Variants in SLC7A14 observed in about 807,000 individuals in gnomAD.
SLC7A14 encodes the protein gamma-aminobutyric acid transporter SLC7A14.
A neutral mutation model predicts 60.2 loss-of-function variants in SLC7A14; 37 were observed. The ratio of observed to expected loss-of-function variants is 0.61; its 90% CI spans 0.47 to 0.81. The LOEUF (loss-of-function observed/expected upper bound fraction) is 0.81. Ranked by LOEUF, SLC7A14 falls within the 30% of genes least tolerant of loss-of-function variation. SLC7A14 has a pLI of 0.00. For synonymous variants in SLC7A14, 399 were observed against 395.8 expected (o/e 1.01, Z -0.10); for missense variants, 886 against 982.7 (o/e 0.90, Z 1.32).
intron 2 of SLC7A14, among the ~76,000 whole-genome samples, chr3:170,503,827 G>A (rs1469950903): frequency 6.6e-6 from 1 of 152,148 alleles, no homozygotes; most frequent in Non-Finnish European, 1.5e-5. Context: ...TTAGCAAATG[G>A]CCAAGTCTTC....
chr3:170,472,224 G>T (rs1739930576), intron 7 of SLC7A14, among the ~76,000 whole-genome samples: 1 of 151,808 alleles, frequency 6.6e-6, no homozygotes, highest in African/African-American at 2.4e-5. Flanking sequence ...AAAATAATTA[G>T]CTGGGCACGG....
intron 2 of SLC7A14, among the ~76,000 whole-genome samples, chr3:170,510,387 C>CAA (rs200708263): frequency 2.2e-4 from 22 of 99,098 alleles, no homozygotes; most frequent in Admixed American, 1.0e-3. Flanking sequence ...AAGACTCTGT[C>CAA]AAAAAAAAAA....
chr3:170,517,127 C>T (rs1455893058), intron 2 of SLC7A14, among the ~76,000 whole-genome samples: 1 of 152,122 alleles, frequency 6.6e-6, no homozygotes, highest in Admixed American at 6.6e-5. Context: ...ACAGTGCCTG[C>T]TGCACAGTAT....
intron 2 of SLC7A14, 38 bp from the exon 3 acceptor site, chr3:170,501,383 G>T: frequency 6.4e-7 from 1 of 1,554,792 alleles, no homozygotes; most frequent in Non-Finnish European, 8.9e-7. Flanking sequence ...TGGACTTCAG[G>T]AGATGAGCTG....
intron 5 of SLC7A14, among the ~76,000 whole-genome samples, chr3:170,485,819 C>T (rs114891820): frequency 4.1e-3 from 628 of 152,296 alleles, no homozygotes; most frequent in Non-Finnish European, 5.7e-3. Context: ...CTCTTTGCTG[C>T]CGGGAAGCTC....
Position 170,486,243 on chromosome 3 carries a change from G to C in SLC7A14, c.885C>G (p.Ile295Met), listed in dbSNP as rs570160914. The change falls in exon 5 of 8, where the codon ATC (isoleucine) becomes ATG (methionine). Residue 295 changes from isoleucine (I) to methionine (M), a missense_variant. Physicochemically the swap from Ile to Met is conservative, Grantham distance 10 (BLOSUM62 1). Transcript: ENST00000231706. ...TTACAGACACATATGCTGTCAGGCA[G>C]ATGACCAGGGAGGCAGTGATAGCAT... The part of the protein sequence containing the change: ...IPYAITASLV[I>M]CLTAYVSVSV... 1.9e-6 allele frequency: 3 copies of C among 1,614,216 alleles called. No individual in the cohort carries two copies. Among genetic ancestry groups the C allele is most frequent in the Admixed American group, 1.7e-5 (1 of 60,020 alleles).
intron 1 of SLC7A14, among the ~76,000 whole-genome samples, chr3:170,542,688 A>G (rs963698566): frequency 1.3e-5 from 2 of 152,246 alleles, no homozygotes; most frequent in African/African-American, 4.8e-5. Flanking sequence ...TTGTGTGTGC[A>G]TGTCCACATG....
chr3:170,553,419 T>G, intron 1 of SLC7A14, among the ~76,000 whole-genome samples: 1 of 152,214 alleles, frequency 6.6e-6, no homozygotes, highest in East Asian at 1.9e-4. Context: ...AATCTGTACG[T>G]GTAATTTTAG....
chr3:170,571,557 C>T (rs985561379), intron 1 of SLC7A14, among the ~76,000 whole-genome samples: 3 of 152,164 alleles, frequency 2.0e-5, no homozygotes, highest in African/African-American at 7.2e-5. Flanking sequence ...ATACCTGAGG[C>T]AATTGGGACT....
intron 6 of SLC7A14, among the ~76,000 whole-genome samples, chr3:170,481,590 C>CA (rs1357020774): frequency 6.6e-6 from 1 of 152,006 alleles, no homozygotes; most frequent in African/African-American, 2.4e-5. Context: ...TTAGTAGAGA[C>CA]AGAGTTTCAC....
chr3:170,472,707 C>T (rs190486177), intron 7 of SLC7A14, among the ~76,000 whole-genome samples: 8 of 150,514 alleles, frequency 5.3e-5, no homozygotes, highest in Admixed American at 4.0e-4. Context: ...GCAGAGCTTG[C>T]ATTGAGCTGA....
rs992496159 is a variant in SLC7A14 at position 170,578,411 on chromosome 3, A to C, written c.-153+7500T>G. On this transcript the variant is annotated intron_variant, in intron 1 of 7. Coordinates refer to ENST00000231706, the MANE Select transcript of SLC7A14 (RefSeq NM_020949.3). Reference sequence around the variant, plus strand: ...AATTGAGCTAAAATAGAAATTCTCCAGAGAATTGGCTGGTGTGTCAAGTGG... The same window carrying C: ...AATTGAGCTAAAATAGAAATTCTCCCGAGAATTGGCTGGTGTGTCAAGTGG... 7.9e-5 allele frequency among the ~76,000 whole-genome samples: 12 copies of C among 152,270 alleles called. 1 individual carries two copies. The highest frequency in any genetic ancestry group is 7.2e-4 in the Admixed American group (11 of 15,292).
intron 7 of SLC7A14, among the ~76,000 whole-genome samples, chr3:170,470,802 C>T (rs1022298676): frequency 2.5e-4 from 38 of 152,094 alleles, no homozygotes; most frequent in African/African-American, 7.7e-4. Flanking sequence ...GGCTTTGTGT[C>T]GGAGGAGTAA....
At chr3:170,551,186 C>T (rs138734978) in intron 1 of SLC7A14, among the ~76,000 whole-genome samples, 71 of 152,238 alleles carry the variant, frequency 4.7e-4, no homozygotes, top group Middle Eastern at 3.4e-3. Context: ...CTTATCATAA[C>T]GTTGTCAAAG....
intron 1 of SLC7A14, among the ~76,000 whole-genome samples, chr3:170,528,563 C>T (rs558980865): frequency 5.9e-5 from 9 of 152,266 alleles, no homozygotes; most frequent in South Asian, 2.1e-4. Flanking sequence ...GCTTTTCAAA[C>T]GCTAATTAGA....
At chr3:170,486,593 G>T (rs1444393220) in intron 4 of SLC7A14, among the ~76,000 whole-genome samples, 1 of 152,162 alleles carries the variant, frequency 6.6e-6, no homozygotes, top group East Asian at 1.9e-4. Context: ...AGAAGAATTG[G>T]CCGGGTGCGA....
chr3:170,495,968 T>G lies in SLC7A14; in HGVS notation c.759+2699A>C, dbSNP rs1297527696. ...TGGTGGAGGACTTCAAGAACAAGTA[T>G]GAGGATGAGATCAATAAGCGTACAG... On this transcript the variant is annotated intron_variant, in intron 4 of 7. Transcript: ENST00000231706. 2.4e-5 allele frequency: 30 copies of G among 1,248,956 alleles called. No individual in the cohort carries two copies. The Admixed American group carries it at 5.1e-4, about 21-fold the overall frequency. The allele number at this position is 1,248,956 out of a possible 1,614,324, so 77.4% of individuals were successfully genotyped here.
chr3:170,484,947 CTG>C (rs1711974681), intron 5 of SLC7A14, among the ~76,000 whole-genome samples: 3 of 152,206 alleles, frequency 2.0e-5, no homozygotes, highest in South Asian at 4.1e-4. Flanking sequence ...TAGAAGTACT[CTG>C]TGGTCTATAA....
intron 1 of SLC7A14, among the ~76,000 whole-genome samples, chr3:170,540,957 A>G (rs2108299961): frequency 6.6e-6 from 1 of 152,332 alleles, no homozygotes; most frequent in Non-Finnish European, 1.5e-5. Context: ...ATCAGTTATC[A>G]CTAATATTCA....
Sources: allele counts gnomAD v4.1 joint callset (sites outside exome capture counted in the v4.1 genomes callset), GRCh38; gene constraint gnomAD v4.1.1; transcripts MANE v1.5; gene names NCBI Gene and HGNC (gene_info 2026-07-23, HGNC 2026-07-21).